SPAST: variants seen among roughly 807,000 people sequenced by gnomAD.
SPAST encodes the protein spastin, also known as spastic paraplegia 4 (autosomal dominant; spastin).
In SPAST, 30 loss-of-function variants were observed where a neutral mutation model predicts 76.6. The ratio of observed to expected loss-of-function variants is 0.39; its 90% CI spans 0.29 to 0.53. The LOEUF is 0.53. Among genes scored for constraint, SPAST ranks in the 20% least tolerant of loss-of-function variants. The probability of loss-of-function intolerance (pLI) is 0.68; values close to 1 mark genes in which losing one functional copy is unlikely to be tolerated. For synonymous variants in SPAST, 305 were observed against 281.0 expected (o/e 1.09, Z -0.86); for missense variants, 717 against 770.5 (o/e 0.93, Z 0.82).
intron 6 of SPAST, 103 bp from the exon 7 acceptor site, chr2:32,116,016 C>G: frequency 1.0e-6 from 1 of 973,250 alleles, no homozygotes; most frequent in Non-Finnish European, 1.6e-6. Context: ...TATAGTTTAA[C>G]AGTTAACATT....
At chr2:32,139,794 A>G (rs1255154291) in intron 12 of SPAST, among the ~76,000 whole-genome samples, 1 of 151,640 alleles carries the variant, frequency 6.6e-6, no homozygotes, top group East Asian at 1.9e-4. Context: ...GTGCCACTGC[A>G]CTGCAGCCTG....
At chr2:32,105,801 T>C (rs531161197) in intron 4 of SPAST, among the ~76,000 whole-genome samples, 2 of 152,324 alleles carry the variant, frequency 1.3e-5, no homozygotes, top group South Asian at 4.1e-4. Context: ...CAAATGTTGC[T>C]GTCTGATCCT....
chr2:32,146,228 C>T (rs372143819), intron 15 of SPAST, among the ~76,000 whole-genome samples: 138 of 152,120 alleles, frequency 9.1e-4, no homozygotes, highest in African/African-American at 3.1e-3. Flanking sequence ...CTAAGGTAGA[C>T]AAAATTTGGG....
At chr2:32,105,444 G>A (rs904394856) in intron 4 of SPAST, among the ~76,000 whole-genome samples, 2 of 152,092 alleles carry the variant, frequency 1.3e-5, no homozygotes, top group East Asian at 1.9e-4. Context: ...ATCGTCTGAG[G>A]CCTACTTCTG....
chr2:32,088,360 T>C (rs1319484528), intron 2 of SPAST, among the ~76,000 whole-genome samples: 1 of 152,040 alleles, frequency 6.6e-6, no homozygotes, highest in Admixed American at 6.6e-5. Context: ...ATAAATGTAT[T>C]TGGGCCAGGC....
intron 1 of SPAST, among the ~76,000 whole-genome samples, chr2:32,078,225 C>T (rs1171843689): frequency 5.3e-5 from 8 of 152,202 alleles, no homozygotes; most frequent in East Asian, 1.9e-4. Context: ...CTCCTGACCT[C>T]GTGATCCCCA....
At chr2:32,134,459 A>G (rs1240070315) in intron 9 of SPAST, among the ~76,000 whole-genome samples, 1 of 130,662 alleles carries the variant, frequency 7.7e-6, no homozygotes, top group African/African-American at 2.6e-5. Flanking sequence ...CCGAGACTCC[A>G]TCTCAAAAAA....
chr2:32,116,266 A>G, intron 7 of SPAST, 54 bp downstream of exon 7: 1 of 973,120 alleles, frequency 1.0e-6, no homozygotes, highest in Non-Finnish European at 1.7e-6. Context: ...CTGAATCCAT[A>G]GTAGTAGTAG....
chr2:32,110,745 A>G (rs1678546780), intron 4 of SPAST, among the ~76,000 whole-genome samples: 1 of 140,350 alleles, frequency 7.1e-6, no homozygotes, highest in South Asian at 2.2e-4. Flanking sequence ...ACTGTATAGT[A>G]TATATAGTAT....
chr2:32,069,167 C>T lies in SPAST; in HGVS notation c.415+4921C>T, dbSNP rs571320195. 9.3e-5 allele frequency among the ~76,000 whole-genome samples: 13 copies of T among 139,352 alleles called. 1 individual carries two copies. Among genetic ancestry groups the T allele is most frequent in the Admixed American group, 2.1e-4 (3 of 14,148 alleles). 91.4% of individuals were successfully genotyped at this position (139,352 alleles called of 152,430 possible). ...GGTGGAGATTGCGGTGGGCCAAGATCACGCCACTGCACGCCAGCCTGGGCA... is the reference window on the plus strand; with the variant it reads ...GGTGGAGATTGCGGTGGGCCAAGATTACGCCACTGCACGCCAGCCTGGGCA... On this transcript the variant is annotated intron_variant, in intron 1 of 16. Coordinates refer to ENST00000315285, the MANE Select transcript of SPAST (RefSeq NM_014946.4).
At chr2:32,141,506 T>C (rs576970808) in intron 12 of SPAST, among the ~76,000 whole-genome samples, 2 of 152,364 alleles carry the variant, frequency 1.3e-5, no homozygotes, top group Non-Finnish European at 1.5e-5. Flanking sequence ...TAATTTTCAC[T>C]GCCCTAGGCA....
intron 4 of SPAST, among the ~76,000 whole-genome samples, chr2:32,113,798 A>G (rs1212180494): frequency 1.3e-5 from 2 of 151,166 alleles, no homozygotes; most frequent in African/African-American, 2.4e-5. Flanking sequence ...AACTACTGAC[A>G]TCAGGTGATC....
chr2:32,142,643 T>G (rs914810980), intron 13 of SPAST, among the ~76,000 whole-genome samples: 4 of 151,912 alleles, frequency 2.6e-5, no homozygotes, highest in African/African-American at 4.8e-5. Context: ...TGATCCGCCC[T>G]CCTCAGCCTC....
intron 2 of SPAST, 109 bp from the exon 3 acceptor site, chr2:32,089,413 T>C (rs1221823854): frequency 3.1e-6 from 2 of 643,772 alleles, no homozygotes; most frequent in Non-Finnish European, 5.4e-6. Flanking sequence ...TAAAAAAAAA[T>C]TTCTGTATAA....
chr2:32,151,191 C>A (rs1680074267), intron 16 of SPAST, among the ~76,000 whole-genome samples: 1 of 152,168 alleles, frequency 6.6e-6, no homozygotes, highest in Non-Finnish European at 1.5e-5. Flanking sequence ...GATCCGCCCA[C>A]CTCGGCCTCC....
chr2:32,096,162 C>T (rs1184622586), intron 3 of SPAST, among the ~76,000 whole-genome samples: 4 of 152,156 alleles, frequency 2.6e-5, no homozygotes, highest in South Asian at 2.1e-4. Flanking sequence ...GGTCTGGGCG[C>T]GGTGGCTCAC....
intron 2 of SPAST, 91 bp downstream of exon 2, chr2:32,087,669 T>A (rs867972552): frequency 4.2e-5 from 19 of 453,362 alleles, no homozygotes; most frequent in Middle Eastern, 6.9e-4. Context: ...TTATTTATTT[T>A]TCTTTCTTTC....
intron 2 of SPAST, among the ~76,000 whole-genome samples, 154 bp downstream of exon 2, chr2:32,087,732 G>C (rs923785691): frequency 1.1e-5 from 1 of 91,470 alleles, no homozygotes; most frequent in African/African-American, 4.3e-5. Context: ...TCTTTCCTCT[G>C]TTACCCAGGC....
intron 1 of SPAST, among the ~76,000 whole-genome samples, chr2:32,075,237 A>C (rs1415755395): frequency 1.3e-5 from 2 of 151,380 alleles, no homozygotes; most frequent in Non-Finnish European, 2.9e-5. Flanking sequence ...CCTGGCTAAC[A>C]CGGTGAAACC....
Sources: allele counts gnomAD v4.1 joint callset (sites outside exome capture counted in the v4.1 genomes callset), GRCh38; gene constraint gnomAD v4.1.1; transcripts MANE v1.5; gene names NCBI Gene and HGNC (gene_info 2026-07-23, HGNC 2026-07-21).